ADAMTS20: variants seen among roughly 807,000 people sequenced by gnomAD.
ADAMTS20 encodes the protein A disintegrin and metalloproteinase with thrombospondin motifs 20.
ADAMTS20 carries 225 observed loss-of-function variants against 260.1 expected under a neutral mutation model. The observed-to-expected ratio is 0.87, with a 90% CI of 0.78 to 0.97. The LOEUF (loss-of-function observed/expected upper bound fraction) is 0.97. Ranked by LOEUF, ADAMTS20 falls within the 50% of genes least tolerant of loss-of-function variation. The pLI, the probability that ADAMTS20 is intolerant of heterozygous loss-of-function variation, is 0.00. For missense variants in ADAMTS20, 2,400 were observed against 2,337.7 expected, an observed-to-expected ratio of 1.03 and a Z score of -0.55; for synonymous variants, 802 against 769.5, an observed-to-expected ratio of 1.04 and a Z score of -0.70.
chr12:43,506,780 CTT>C (rs146293853), intron 3 of ADAMTS20, among the ~76,000 whole-genome samples: 3,935 of 141,038 alleles, frequency 0.028, 59 homozygotes, highest in East Asian at 0.084. Flanking sequence ...GCCTGGCCAC[CTT>C]TTTTTTTTTT....
At chr12:43,425,753 T>G (rs953084207) in intron 27 of ADAMTS20, 63 bp from the exon 28 acceptor site, 4 of 1,135,816 alleles carry the variant, frequency 3.5e-6, no homozygotes, top group Non-Finnish European at 4.8e-6. Flanking sequence ...ATTGCTTCAT[T>G]CAATGTTTAA....
chr12:43,401,687 T>G (rs1275892549), intron 28 of ADAMTS20, among the ~76,000 whole-genome samples: 1 of 151,538 alleles, frequency 6.6e-6, no homozygotes, highest in Non-Finnish European at 1.5e-5. Context: ...AATTTAAACA[T>G]AAATCTATTT....
intron 11 of ADAMTS20, among the ~76,000 whole-genome samples, chr12:43,460,980 A>ATTTT: frequency 2.3e-5 from 1 of 43,748 alleles, no homozygotes; most frequent in Non-Finnish European, 4.4e-5. Flanking sequence ...ATATATATAT[A>ATTTT]TATATATATT....
At chr12:43,412,999 T>C (rs539145180) in intron 28 of ADAMTS20, among the ~76,000 whole-genome samples, 71 of 151,802 alleles carry the variant, frequency 4.7e-4, no homozygotes, top group Non-Finnish European at 9.1e-4. Flanking sequence ...TTAGTAGAGA[T>C]GGGGTTTCAC....
chr12:43,388,130 C>T (rs1291849018), intron 29 of ADAMTS20, among the ~76,000 whole-genome samples: 1 of 151,976 alleles, frequency 6.6e-6, no homozygotes, highest in Non-Finnish European at 1.5e-5. Context: ...CCCAGTTTTG[C>T]GCTTGAAACC....
rs541174297 is a variant in ADAMTS20 at position 43,376,065 on chromosome 12, A to G, written c.5304T>C (p.Tyr1768=). 59 of 1,605,868 alleles carry G rather than the reference A, an allele frequency of 3.7e-5. No individual in the cohort carries two copies. In the East Asian group the frequency reaches 9.2e-4, roughly 25 times the overall value. Reference sequence around the variant, plus strand: ...CAAAACACATCTCGTACCTAAAGCCATACACTTCAGAAAAGTTTTCTTCAC... The same window carrying G: ...CAAAACACATCTCGTACCTAAAGCCGTACACTTCAGAAAAGTTTTCTTCAC... The part of the protein sequence containing the change: ...VQGEENFSEV[Y]GFRLKNPYQC... The change falls in exon 35 of 39, where the codon TAT becomes TAC. Residue 1768 remains tyrosine (Y), a synonymous_variant. Transcript: ENST00000389420.
chr12:43,412,173 T>C (rs898805446), intron 28 of ADAMTS20, among the ~76,000 whole-genome samples: 1 of 152,228 alleles, frequency 6.6e-6, no homozygotes, highest in Non-Finnish European at 1.5e-5. Context: ...CAGGCTTACA[T>C]ATGCTTTCTG....
chr12:43,452,213 CG>C, intron 14 of ADAMTS20, 60 bp downstream of exon 14: 6 of 1,492,672 alleles, frequency 4.0e-6, no homozygotes, highest in East Asian at 2.3e-5. Context: ...TTATATAAAT[CG>C]AAAAAAAACA....
intron 36 of ADAMTS20, among the ~76,000 whole-genome samples, chr12:43,373,060 A>G (rs759276372): frequency 6.6e-6 from 1 of 152,228 alleles, no homozygotes; most frequent in Non-Finnish European, 1.5e-5. Flanking sequence ...CTTAGTACTC[A>G]TGTGTTTAAA....
chr12:43,409,137 T>C (rs994754740), intron 28 of ADAMTS20, among the ~76,000 whole-genome samples: 1 of 151,938 alleles, frequency 6.6e-6, no homozygotes, highest in African/African-American at 2.4e-5. Context: ...AGATCCTATA[T>C]GGACAAAACA....
At chr12:43,532,275 A>G (rs1943233742) in intron 2 of ADAMTS20, 80 bp from the exon 3 acceptor site, 1 of 1,239,442 alleles carries the variant, frequency 8.1e-7, no homozygotes, top group Non-Finnish European at 1.1e-6. Flanking sequence ...AGGTTAAATG[A>G]GCAGACAGAA....
rs988556921 is a variant in ADAMTS20 at position 43,432,577 on chromosome 12, T to C, written c.2931+24A>G. The C allele has an allele frequency of 3.1e-6, 5 of 1,609,642 alleles. No individual in the cohort carries two copies. The African/African-American group carries it at 5.3e-5, about 17-fold the overall frequency. ...AATTAGAAAGAAAGGGGCAACTTTT[T>C]TTAAGCAATCATTTTTATTGTACCT... On this transcript the variant is annotated intron_variant, in intron 20 of 38. Transcript: ENST00000389420.
At chr12:43,525,907 A>AT (rs1163303770) in intron 3 of ADAMTS20, among the ~76,000 whole-genome samples, 1 of 152,196 alleles carries the variant, frequency 6.6e-6, no homozygotes, top group Non-Finnish European at 1.5e-5. Context: ...GAGAAATGAG[A>AT]TAGACAGCAA....
At chr12:43,469,620 C>CAA (rs146256300) in intron 7 of ADAMTS20, among the ~76,000 whole-genome samples, 18 of 151,526 alleles carry the variant, frequency 1.2e-4, no homozygotes, top group African/African-American at 4.4e-4. Context: ...CTTCCTTTCA[C>CAA]AAAAAAAAGA....
intron 36 of ADAMTS20, among the ~76,000 whole-genome samples, chr12:43,371,659 GTAAGTGCGAAGGCCT>G (rs1323068899): frequency 6.6e-6 from 1 of 152,194 alleles, no homozygotes; most frequent in East Asian, 1.9e-4. Flanking sequence ...AGATGGAACA[GTAAGTGCGAAGGCCT>G]TAAGATGGGG....
intron 28 of ADAMTS20, among the ~76,000 whole-genome samples, chr12:43,416,813 C>T (rs113531788): frequency 7.2e-5 from 11 of 152,274 alleles, no homozygotes; most frequent in African/African-American, 1.4e-4. Flanking sequence ...TGAGCCACCG[C>T]GCCCGGCCAA....
intron 37 of ADAMTS20, among the ~76,000 whole-genome samples, chr12:43,367,626 T>C (rs562599677): frequency 5.9e-4 from 90 of 152,188 alleles, no homozygotes; most frequent in Non-Finnish European, 1.1e-3. Flanking sequence ...TGCCTAATAT[T>C]GGAAAACAAG....
chr12:43,383,971 C>T lies in ADAMTS20; in HGVS notation c.4459G>A (p.Val1487Met). ...TGCTGAACTCCAGAGCCACAGGTCACAGAGCACTACAAAGGAGTCCAGTTG... is the reference window on the plus strand; with the variant it reads ...TGCTGAACTCCAGAGCCACAGGTCATAGAGCACTACAAAGGAGTCCAGTTG... Reference protein sequence around the residue: ...WKANSWNECSVTCGSGVQQRD... With the variant: ...WKANSWNECSMTCGSGVQQRD... The change falls in exon 30 of 39, where the codon GTG (valine) becomes ATG (methionine). Residue 1487 changes from valine to methionine, a missense_variant. By Grantham distance (21) the Val-to-Met change is conservative (BLOSUM62 1). Coordinates refer to ENST00000389420, the MANE Select transcript of ADAMTS20 (RefSeq NM_025003.5). The T allele has an allele frequency of 6.2e-7, 1 of 1,613,382 alleles. No individual in the cohort carries two copies. Among genetic ancestry groups the T allele is most frequent in the East Asian group, 2.2e-5 (1 of 44,882 alleles).
At chr12:43,392,664 C>A (rs1487162962) in intron 29 of ADAMTS20, among the ~76,000 whole-genome samples, 1 of 152,064 alleles carries the variant, frequency 6.6e-6, no homozygotes, top group African/African-American at 2.4e-5. Context: ...CCCCAACTGC[C>A]AAGTCCAATA....
Sources: gnomAD v4.1 joint callset for allele counts (sites outside exome capture counted in the v4.1 genomes callset) on GRCh38, gnomAD v4.1.1 for gene constraint, MANE v1.5 for transcripts, NCBI Gene and HGNC (gene_info 2026-07-23, HGNC 2026-07-21) for gene names.